The following GMPS variants were observed in gnomAD, a reference collection of about 807,000 sequenced individuals.
GMPS encodes the protein GMP synthase [glutamine-hydrolyzing].
In GMPS, 15 loss-of-function variants were observed where a neutral mutation model predicts 77.9. That is an observed-to-expected ratio of 0.19 (90% CI 0.13 to 0.30). The LOEUF is 0.30. Among genes scored for constraint, GMPS ranks in the 10% least tolerant of loss-of-function variants. The pLI is 1.00. For missense variants in GMPS, 590 were observed against 838.8 expected (o/e 0.70, Z 3.66); for synonymous variants, 224 against 275.9 (o/e 0.81, Z 1.86).
At chr3:155,874,480 A>C (rs1009732653) in intron 1 of GMPS, among the ~76,000 whole-genome samples, 7 of 152,230 alleles carry the variant, frequency 4.6e-5, no homozygotes, top group Non-Finnish European at 8.8e-5. Flanking sequence ...ATGTACTGAG[A>C]ATTAAACAAC....
At chr3:155,926,055 AG>A (rs1240306333) in intron 12 of GMPS, among the ~76,000 whole-genome samples, 1 of 152,144 alleles carries the variant, frequency 6.6e-6, no homozygotes, top group Non-Finnish European at 1.5e-5. Flanking sequence ...CCTGTCGCCC[AG>A]GCTGGAGTGC....
At chr3:155,919,387 T>G in intron 10 of GMPS, 49 bp downstream of exon 10, 1 of 861,802 alleles carries the variant, frequency 1.2e-6, no homozygotes, top group Non-Finnish European at 1.9e-6. Flanking sequence ...GACCTTCATG[T>G]TGAAGAAAAA....
chr3:155,893,716 T>C lies in GMPS; in HGVS notation c.209+17T>C, dbSNP rs758445239. 1 of 1,460,196 alleles carries C rather than the reference T, an allele frequency of 6.8e-7. No individual in the cohort carries two copies. The allele number at this position is 1,460,196 out of a possible 1,614,324, so 90.5% of individuals were successfully genotyped here. A position where few individuals can be genotyped will look rare whatever the true frequency, so the allele number is the denominator to read the frequency against. ...AGGATTCCGGTAGACTTTTCACTAA[T>C]CTTTTCATGAGGAGATTGAACTTAG... On this transcript the variant is annotated intron_variant, in intron 2 of 15. Coordinates refer to ENST00000496455, the MANE Select transcript of GMPS (RefSeq NM_003875.3).
intron 1 of GMPS, among the ~76,000 whole-genome samples, chr3:155,874,316 T>C (rs1753979064): frequency 6.6e-6 from 1 of 152,206 alleles, no homozygotes; most frequent in Admixed American, 6.5e-5. Flanking sequence ...GGTTATATCA[T>C]ACTTGGATGA....
intron 1 of GMPS, among the ~76,000 whole-genome samples, chr3:155,874,209 G>A (rs1194422494): frequency 6.6e-6 from 1 of 152,150 alleles, no homozygotes; most frequent in East Asian, 1.9e-4. Flanking sequence ...TGCTTTGGGT[G>A]ACTTGTCAAG....
chr3:155,886,436 G>A (rs1377422958), intron 1 of GMPS, among the ~76,000 whole-genome samples: 1 of 151,232 alleles, frequency 6.6e-6, no homozygotes, highest in East Asian at 2.0e-4. Flanking sequence ...TTAGCCGGGC[G>A]TGGTGGCAGG....
intron 10 of GMPS, among the ~76,000 whole-genome samples, chr3:155,920,854 C>T (rs535430181): frequency 1.3e-5 from 2 of 152,314 alleles, no homozygotes; most frequent in Non-Finnish European, 2.9e-5. Context: ...AACTAGGCAT[C>T]TCAAGTGATG....
intron 1 of GMPS, among the ~76,000 whole-genome samples, chr3:155,887,141 T>C (rs960868525): frequency 2.0e-5 from 3 of 152,156 alleles, no homozygotes; most frequent in African/African-American, 4.8e-5. Flanking sequence ...TCTGGAGCAA[T>C]AGAGAATTTT....
chr3:155,885,746 A>G (rs1162367681), intron 1 of GMPS, among the ~76,000 whole-genome samples: 2 of 152,198 alleles, frequency 1.3e-5, no homozygotes, highest in Non-Finnish European at 2.9e-5. Context: ...AGGATGTTTA[A>G]CCTGTATATA....
chr3:155,889,112 A>G (rs970230941), intron 1 of GMPS, among the ~76,000 whole-genome samples: 1 of 152,114 alleles, frequency 6.6e-6, no homozygotes, highest in Non-Finnish European at 1.5e-5. Flanking sequence ...GTTTTCCTCA[A>G]CTTTTAGAAG....
At chr3:155,871,632 C>T (rs410042) in intron 1 of GMPS, among the ~76,000 whole-genome samples, 17,446 of 152,302 alleles carry the variant, frequency 0.11, 1,267 homozygotes, top group Admixed American at 0.24. Flanking sequence ...AGGTCCCGCC[C>T]CCGTCCAGCT....
chr3:155,889,785 G>C (rs951505851), intron 1 of GMPS, among the ~76,000 whole-genome samples: 3 of 151,914 alleles, frequency 2.0e-5, no homozygotes, highest in Admixed American at 2.0e-4. Context: ...ATTTTTTCTT[G>C]ATATCTTAAA....
At chr3:155,872,711 T>A (rs1279461776) in intron 1 of GMPS, among the ~76,000 whole-genome samples, 1 of 152,202 alleles carries the variant, frequency 6.6e-6, no homozygotes, top group Non-Finnish European at 1.5e-5. Context: ...GAGCCTAGGG[T>A]GAATTAATTT....
At chr3:155,910,574 A>G (rs1326583640) in intron 5 of GMPS, 118 bp from the exon 6 acceptor site, 86 of 518,006 alleles carry the variant, frequency 1.7e-4, no homozygotes, top group East Asian at 2.8e-4. Context: ...GTCTCAAAAA[A>G]AAAAAAAAAA....
intron 1 of GMPS, among the ~76,000 whole-genome samples, chr3:155,875,473 C>T (rs1294167442): frequency 6.6e-6 from 1 of 152,220 alleles, no homozygotes; most frequent in East Asian, 1.9e-4. Context: ...TCAGGTGATC[C>T]ACCGGCCTCA....
At position 155,939,178 on chromosome 3, in the gene GMPS, A is replaced by C. The variant is rs1755831930; in HGVS notation, c.*1486A>C. ...AGACAAAGGGGTACTTGACTCCTAC[A>C]AAACTTAAAGGGTACATTCTCTATC... On this transcript the variant is annotated 3_prime_UTR_variant, in exon 16 of 16. Transcript: ENST00000496455. The C allele has an allele frequency of 4.5e-6, 1 of 220,302 alleles. No homozygotes were observed. Among genetic ancestry groups the C allele is most frequent in the East Asian group, 6.7e-5 (1 of 14,992 alleles). 13.6% of individuals were successfully genotyped at this position (220,302 alleles called of 1,614,324 possible).
chr3:155,906,195 A>C lies in GMPS; in HGVS notation c.458A>C (p.His153Pro). ...LQKEEVVLLT[H>P]GDSVDKVADG... Reference sequence around the variant, plus strand: ...AAGGAAGAAGTTGTTTTGCTTACACATGGAGATAGTGTAGACAAAGTAGCT... The same window carrying C: ...AAGGAAGAAGTTGTTTTGCTTACACCTGGAGATAGTGTAGACAAAGTAGCT... The change falls in exon 5 of 16, where the codon CAT becomes CCT. Residue 153 changes from histidine (H) to proline (P), a missense_variant. His to Pro is a moderately conservative substitution (Grantham distance 77). Coordinates refer to ENST00000496455, the MANE Select transcript of GMPS (RefSeq NM_003875.3). 6.2e-7 allele frequency: 1 copy of C among 1,610,362 alleles called. No individual in the cohort carries two copies. Among genetic ancestry groups the C allele is most frequent in the South Asian group, 1.1e-5 (1 of 90,718 alleles).
chr3:155,893,485 A>C (rs1754523262), intron 1 of GMPS, 33 bp from the exon 2 acceptor site: 1 of 1,461,796 alleles, frequency 6.8e-7, no homozygotes, highest in Admixed American at 2.2e-5. Flanking sequence ...AATTTTCATA[A>C]TTAAGACTTT....
chr3:155,905,345 A>G (rs1009646415), intron 4 of GMPS, among the ~76,000 whole-genome samples: 7 of 152,304 alleles, frequency 4.6e-5, no homozygotes, highest in Admixed American at 2.6e-4. Context: ...CAGATTTTCC[A>G]TAACGTAAAC....
Sources: gnomAD v4.1 joint callset for allele counts (sites outside exome capture counted in the v4.1 genomes callset) on GRCh38, gnomAD v4.1.1 for gene constraint, MANE v1.5 for transcripts, NCBI Gene and HGNC (gene_info 2026-07-23, HGNC 2026-07-21) for gene names.